CSNK2A2: variants seen among roughly 807,000 people sequenced by gnomAD.
The protein encoded by CSNK2A2 is casein kinase II subunit alpha'.
CSNK2A2 carries 8 observed loss-of-function variants against 54.0 expected under a neutral mutation model. That is an observed-to-expected ratio of 0.15 (90% CI 0.09 to 0.27). CSNK2A2 has a LOEUF of 0.27. CSNK2A2 is among the 10% of genes least tolerant of loss of function. The pLI is 1.00. For synonymous variants in CSNK2A2, 141 were observed against 153.9 expected, an observed-to-expected ratio of 0.92 and a Z score of 0.62; for missense variants, 242 against 439.4, an observed-to-expected ratio of 0.55 and a Z score of 4.02.
At position 58,163,964 on chromosome 16, in the gene CSNK2A2, A is replaced by T. The variant is rs1961483244; in HGVS notation, c.*17+90T>A. ...CTCTTCTGTGCATTTAGAAGGAATG[A>T]TAAGAATTTCTTTTTATCACACTGT... On this transcript the variant is annotated intron_variant, in intron 11 of 11. Coordinates refer to ENST00000262506, the MANE Select transcript of CSNK2A2 (RefSeq NM_001896.4). The T allele has an allele frequency of 1.9e-6, 2 of 1,029,438 alleles. 1 individual carries two copies. Among genetic ancestry groups the T allele is most frequent in the South Asian group, 3.1e-5 (2 of 65,462 alleles). 63.8% of individuals were successfully genotyped at this position (1,029,438 alleles called of 1,614,324 possible).
chr16:58,196,542 CAGG>C (rs2142458941), intron 2 of CSNK2A2, among the ~76,000 whole-genome samples, 188 bp downstream of exon 2: 1 of 152,244 alleles, frequency 6.6e-6, no homozygotes, highest in Non-Finnish European at 1.5e-5. Context: ...CACTGGAGCC[CAGG>C]AGTTGAAGGC....
intron 4 of CSNK2A2, among the ~76,000 whole-genome samples, chr16:58,178,070 T>C (rs1158127408): frequency 1.3e-5 from 2 of 152,144 alleles, no homozygotes; most frequent in Non-Finnish European, 2.9e-5. Flanking sequence ...TTAAGGAAAC[T>C]ATTTAGTCTG....
chr16:58,187,029 C>A (rs927332372), intron 2 of CSNK2A2, among the ~76,000 whole-genome samples, 173 bp from the exon 3 acceptor site: 1 of 151,936 alleles, frequency 6.6e-6, no homozygotes, highest in Non-Finnish European at 1.5e-5. Context: ...CCCATAAGAA[C>A]CTTTAACATT....
At chr16:58,177,361 A>C (rs1300407593) in intron 4 of CSNK2A2, among the ~76,000 whole-genome samples, 1 of 152,246 alleles carries the variant, frequency 6.6e-6, no homozygotes, top group African/African-American at 2.4e-5. Flanking sequence ...GCTGGCAGGA[A>C]GTCAGCTTTG....
chr16:58,177,777 G>T (rs1225544510), intron 4 of CSNK2A2, among the ~76,000 whole-genome samples: 1 of 152,174 alleles, frequency 6.6e-6, no homozygotes, highest in East Asian at 1.9e-4. Flanking sequence ...GTAGAGAGAA[G>T]AAAAAGTGGT....
intron 4 of CSNK2A2, among the ~76,000 whole-genome samples, chr16:58,182,381 A>G (rs1324943727): frequency 2.3e-5 from 3 of 127,994 alleles, no homozygotes; most frequent in Non-Finnish European, 5.0e-5. Flanking sequence ...TACCAAAAAA[A>G]AAAAAAAAAA....
intron 2 of CSNK2A2, among the ~76,000 whole-genome samples, chr16:58,195,495 T>G (rs1280108736): frequency 7.6e-6 from 1 of 131,580 alleles, no homozygotes; most frequent in East Asian, 2.8e-4. Context: ...ATACCACAGC[T>G]TTTCTAGTCC....
In CSNK2A2 at chr16:58,186,708, C is replaced by T. The variant is rs772675397; in HGVS notation, c.318+47G>A. 5.8e-6 allele frequency: 8 copies of T among 1,384,030 alleles called. No individual in the cohort carries two copies. The Admixed American group carries it at 1.2e-4, about 21-fold the overall frequency. 85.7% of individuals were successfully genotyped at this position (1,384,030 alleles called of 1,614,324 possible). ...TCTGTGTGTTAAACAACTCCCATAT[C>T]CACACCCCGGTCTACTAGTATACTC... On this transcript the variant is annotated intron_variant, in intron 3 of 11. Transcript: ENST00000262506.
intron 4 of CSNK2A2, among the ~76,000 whole-genome samples, chr16:58,175,369 T>C (rs1056553271): frequency 1.3e-5 from 2 of 152,324 alleles, no homozygotes; most frequent in South Asian, 2.1e-4. Context: ...ATCCAAGCCA[T>C]GCTTTCTATA....
rs527520906 is a variant in CSNK2A2 at position 58,164,665 on chromosome 16, G to A, written c.977-518C>T. Among the ~76,000 whole-genome samples the A allele has an allele frequency of 2.0e-4, 31 of 152,212 alleles. No homozygotes were observed. The East Asian group carries it at 3.1e-3, about 15-fold the overall frequency. On this transcript the variant is annotated intron_variant, in intron 10 of 11. Transcript: ENST00000262506. The stretch of plus-strand genomic sequence containing the variant: ...CAGTATTCCTAATTTGATCTAACTC[G>A]GGTAAAAACAGCTTTCTGTGCCAGA...
intron 2 of CSNK2A2, among the ~76,000 whole-genome samples, chr16:58,195,129 T>C (rs1962402677): frequency 6.6e-6 from 1 of 152,064 alleles, no homozygotes; most frequent in African/African-American, 2.4e-5. Flanking sequence ...AACTTATGCT[T>C]ATGTACATAA....
chr16:58,167,158 T>C, intron 8 of CSNK2A2, 49 bp downstream of exon 8: 1 of 1,328,090 alleles, frequency 7.5e-7, no homozygotes, highest in South Asian at 1.3e-5. Context: ...GATGCTATTT[T>C]TTTGGCATTC....
intron 4 of CSNK2A2, among the ~76,000 whole-genome samples, chr16:58,178,449 A>G (rs1281702808): frequency 6.6e-6 from 1 of 151,730 alleles, no homozygotes; most frequent in Non-Finnish European, 1.5e-5. Flanking sequence ...AGCCCGCCGA[A>G]TTTTTTTGTA....
intron 5 of CSNK2A2, among the ~76,000 whole-genome samples, 190 bp from the exon 6 acceptor site, chr16:58,168,883 G>A (rs1195193096): frequency 6.6e-6 from 1 of 152,066 alleles, no homozygotes; most frequent in Non-Finnish European, 1.5e-5. Context: ...ACTACAGCTG[G>A]TAGAAAGGGG....
intron 10 of CSNK2A2, among the ~76,000 whole-genome samples, chr16:58,164,772 A>T (rs1961515193): frequency 6.6e-6 from 1 of 152,206 alleles, no homozygotes; most frequent in East Asian, 1.9e-4. Context: ...TCCCTTATGC[A>T]TATGGGCCAC....
chr16:58,188,955 C>CTTT (rs57552824), intron 2 of CSNK2A2, among the ~76,000 whole-genome samples: 6 of 99,640 alleles, frequency 6.0e-5, no homozygotes, highest in African/African-American at 1.9e-4. Flanking sequence ...TAAAAACTGG[C>CTTT]TTTTTTTTTT....
At chr16:58,172,915 G>C (rs1039419925) in intron 5 of CSNK2A2, among the ~76,000 whole-genome samples, 13 of 152,198 alleles carry the variant, frequency 8.5e-5, no homozygotes, top group African/African-American at 3.1e-4. Context: ...GGGAAGACCT[G>C]CATTAGTTGG....
At chr16:58,196,956 T>C (rs939543672) in intron 1 of CSNK2A2, 112 bp from the exon 2 acceptor site, 9 of 766,364 alleles carry the variant, frequency 1.2e-5, no homozygotes, top group Non-Finnish European at 1.2e-5. Flanking sequence ...GAAGTGTCTA[T>C]ACATCACGTC....
intron 2 of CSNK2A2, among the ~76,000 whole-genome samples, chr16:58,195,179 TAAAA>T (rs35006310): frequency 6.9e-6 from 1 of 144,620 alleles, no homozygotes; most frequent in East Asian, 2.0e-4. Context: ...TCCTGTGACT[TAAAA>T]AAAAAAAAAA....
Sources: allele counts gnomAD v4.1 joint callset (sites outside exome capture counted in the v4.1 genomes callset), GRCh38; gene constraint gnomAD v4.1.1; transcripts MANE v1.5; gene names NCBI Gene and HGNC (gene_info 2026-07-23, HGNC 2026-07-21).